The following WNK2 variants were observed in gnomAD, a reference collection of about 807,000 sequenced individuals.
WNK2 encodes the protein WNK lysine deficient protein kinase 2.
Under a neutral mutation model 192.1 loss-of-function variants are expected in WNK2, and 67 were observed. The observed-to-expected ratio is 0.35, with a 90% CI of 0.29 to 0.43. The LOEUF (loss-of-function observed/expected upper bound fraction) is 0.43. Ranked by LOEUF, WNK2 falls within the 20% of genes least tolerant of loss-of-function variation. WNK2 has a pLI of 1.00. For missense variants in WNK2, 2,698 were observed against 3,089.7 expected (o/e 0.87, Z 3.01); for synonymous variants, 1,439 against 1,393.9 (o/e 1.03, Z -0.72).
chr9:93,287,670 G>A (rs752235206), intron 19 of WNK2, among the ~76,000 whole-genome samples: 3 of 152,162 alleles, frequency 2.0e-5, no homozygotes, highest in Admixed American at 6.5e-5. Flanking sequence ...CTGGGGGCAC[G>A]AGGGAGGGCA....
At position 93,252,877 on chromosome 9, in the gene WNK2, C is replaced by G. The variant is rs1404978205; in HGVS notation, c.1835-6C>G. 9 of 1,450,580 alleles carry G rather than the reference C, an allele frequency of 6.2e-6. No individual in the cohort carries two copies. The highest frequency in any genetic ancestry group is 7.3e-6 in the Non-Finnish European group (8 of 1,092,718). The allele number at this position is 1,450,580 out of a possible 1,614,324, so 89.9% of individuals were successfully genotyped here. On this transcript the variant is annotated splice_region_variant and splice_polypyrimidine_tract_variant and intron_variant, in intron 8 of 29. Coordinates refer to ENST00000427277, the MANE Select transcript of WNK2 (RefSeq NM_006648.4). ...CCACTCTAAGTCCTGCTTTTGTCCT[C>G]CCCAGCGGACAGCACCTTCGACAGC...
chr9:93,190,545 A>G (rs1415190456), intron 2 of WNK2, among the ~76,000 whole-genome samples: 3 of 152,322 alleles, frequency 2.0e-5, no homozygotes, highest in Non-Finnish European at 4.4e-5. Flanking sequence ...TTGCCATTGC[A>G]AATGATTTGA....
chr9:93,259,627 T>C lies in WNK2; in HGVS notation c.3066+13T>C. On this transcript the variant is annotated intron_variant, in intron 12 of 29. Transcript: ENST00000427277. The surrounding 1 kb of genome is among the most constrained non-coding windows in gnomAD (Gnocchi z 4.8). ...ACCAGGGAGCCAGGTAATCACCTGC[T>C]GGGCAGGGGCTCACCCTCCCAGCGT... 1 of 1,553,690 alleles carries C rather than the reference T, an allele frequency of 6.4e-7. No individual in the cohort carries two copies. The highest frequency in any genetic ancestry group is 8.6e-7 in the Non-Finnish European group (1 of 1,159,574).
At chr9:93,260,554 C>T (rs1844059533) in intron 12 of WNK2, among the ~76,000 whole-genome samples, 2 of 150,980 alleles carry the variant, frequency 1.3e-5, no homozygotes, top group African/African-American at 5.0e-5. Flanking sequence ...GTGGAGCATC[C>T]CTGGTGCCAG....
intron 13 of WNK2, 33 bp downstream of exon 13, chr9:93,262,140 C>A (rs1184275413): frequency 1.3e-6 from 2 of 1,547,866 alleles, no homozygotes; most frequent in Non-Finnish European, 1.8e-6. Flanking sequence ...TGTCCCATGA[C>A]TGGGCAGTTG....
chr9:93,259,181 C>A lies in WNK2; in HGVS notation c.2633C>A (p.Pro878Gln). The A allele has an allele frequency of 1.2e-6, 2 of 1,612,742 alleles. No individual in the cohort carries two copies. The highest frequency in any genetic ancestry group is 1.7e-6 in the Non-Finnish European group (2 of 1,179,740). The part of the protein sequence containing the change: ...PLAMPCRTIV[P>Q]NAPATIPLLA... Reference sequence around the variant, plus strand: ...GCCATGCCCTGCCGGACCATTGTGCCAAATGCACCGGCCACTATCCCCCTG... The same window carrying A: ...GCCATGCCCTGCCGGACCATTGTGCAAAATGCACCGGCCACTATCCCCCTG... Residue 878 changes from proline to glutamine, a missense_variant, in exon 12 of 30, where the codon CCA (proline) becomes CAA (glutamine). Pro to Gln is a moderately conservative substitution (Grantham distance 76). Around this residue, in one of 7 missense-constraint regions of WNK2, gnomAD observed 893 missense variants for 909.0 expected, o/e 0.98. Coordinates refer to ENST00000427277, the MANE Select transcript of WNK2 (RefSeq NM_006648.4). The surrounding 1 kb of genome is among the most constrained non-coding windows in gnomAD (Gnocchi z 4.8).
At chr9:93,214,450 C>G (rs903737662) in intron 2 of WNK2, among the ~76,000 whole-genome samples, 1 of 152,032 alleles carries the variant, frequency 6.6e-6, no homozygotes, top group Non-Finnish European at 1.5e-5. Flanking sequence ...ATTACAGGTG[C>G]ATGCCACCAT....
chr9:93,189,350 C>T (rs1258693239), intron 2 of WNK2, among the ~76,000 whole-genome samples: 1 of 152,166 alleles, frequency 6.6e-6, no homozygotes, highest in Admixed American at 6.5e-5. Flanking sequence ...TTCATAGAGA[C>T]GTACATTCCT....
chr9:93,230,457 C>G (rs1838577834), intron 3 of WNK2, among the ~76,000 whole-genome samples: 1 of 152,220 alleles, frequency 6.6e-6, no homozygotes, highest in Non-Finnish European at 1.5e-5. Flanking sequence ...GCAGGCCACA[C>G]AGGTGGCCAG....
Position 93,292,577 on chromosome 9 carries a change from G to C in WNK2, c.5112G>C (p.Pro1704=), listed in dbSNP as rs1382275162. The change falls in exon 23 of 30, where the codon CCG becomes CCC. Residue 1704 remains proline (P), a synonymous_variant. Transcript: ENST00000427277. ...CTGGAGAAAGCTCGGCAGAGCCCCCGCCGAGTGACATGGGCACAGTGGGGG... is the reference window on the plus strand; with the variant it reads ...CTGGAGAAAGCTCGGCAGAGCCCCCCCCGAGTGACATGGGCACAGTGGGGG... The part of the protein sequence containing the change: ...GEAGESSAEP[P]PSDMGTVGGQ... 2 of 1,571,452 alleles carry C rather than the reference G, an allele frequency of 1.3e-6. No homozygotes were observed. Among genetic ancestry groups the C allele is most frequent in the Non-Finnish European group, 1.7e-6 (2 of 1,156,672 alleles).
In WNK2 at chr9:93,231,002, C is replaced by T. The variant is rs1037143363; in HGVS notation, c.969C>T (p.Asp323=). The T allele has an allele frequency of 1.9e-6, 3 of 1,613,886 alleles. No homozygotes were observed. The African/African-American group carries it at 4.0e-5, about 22-fold the overall frequency. The change falls in exon 4 of 30, where the codon GAC becomes GAT. Residue 323 remains aspartate, a synonymous_variant. Transcript: ENST00000427277. ...HTRTPPIIHR[D]LKCDNIFITG... is the part of the protein sequence containing the mutation. ...GGACGCCACCCATCATCCACCGAGA[C>T]CTGAAATGTGACAATATTTTCATCA... is the stretch of plus-strand genomic sequence containing the variant.
chr9:93,268,988 T>C (rs780583424), intron 19 of WNK2: 24 of 1,523,624 alleles, frequency 1.6e-5, no homozygotes, highest in Non-Finnish European at 2.1e-5. Flanking sequence ...AGTAGGTGGC[T>C]CGCATGGCCA....
At chr9:93,202,421 C>T (rs1219465001) in intron 2 of WNK2, among the ~76,000 whole-genome samples, 1 of 151,842 alleles carries the variant, frequency 6.6e-6, no homozygotes, top group Non-Finnish European at 1.5e-5. Flanking sequence ...CCGGCGCTTC[C>T]GTGGGAATGA....
chr9:93,237,166 A>G (rs1210867044), intron 5 of WNK2, among the ~76,000 whole-genome samples: 1 of 152,136 alleles, frequency 6.6e-6, no homozygotes, highest in Non-Finnish European at 1.5e-5. Flanking sequence ...GAATTCTTCA[A>G]TTTATTCCCA....
rs147389779 is a variant in WNK2, at chr9:93,287,065, G to C, written c.4034-1723G>C. Among the ~76,000 whole-genome samples the C allele has an allele frequency of 1.2e-3, 178 of 152,344 alleles. 1 individual carries two copies. Among genetic ancestry groups the C allele is most frequent in the African/African-American group, 4.1e-3 (170 of 41,582 alleles). ...ATAAAGTTTCAGTTATATAAGCTGAGTAAGCTCTAGAGCTTTGCCACACAA... is the reference window on the plus strand; with the variant it reads ...ATAAAGTTTCAGTTATATAAGCTGACTAAGCTCTAGAGCTTTGCCACACAA... On this transcript the variant is annotated intron_variant, in intron 19 of 29. Transcript: ENST00000427277.
chr9:93,304,259 A>G lies in WNK2; in HGVS notation c.6215-2518A>G, dbSNP rs553184088. ...CCCAAGAGCAGGCTGTTTTTGTGCC[A>G]TGGCTGGAGTGGGGAGGGAGCCTCC... is the stretch of plus-strand genomic sequence containing the variant. On this transcript the variant is annotated intron_variant, in intron 26 of 29. Coordinates refer to ENST00000427277, the MANE Select transcript of WNK2 (RefSeq NM_006648.4). Among the ~76,000 whole-genome samples, 145 of 152,306 alleles carry G rather than the reference A, an allele frequency of 9.5e-4. 1 individual carries two copies. Among genetic ancestry groups the G allele is most frequent in the Middle Eastern group, 6.8e-3 (2 of 294 alleles).
chr9:93,222,836 C>T lies in WNK2; in HGVS notation c.682-6860C>T, dbSNP rs190965252. On this transcript the variant is annotated intron_variant, in intron 2 of 29. Transcript: ENST00000427277. ...TAGCTGGGATTACAGGCGCCTGCCACCACACCTGGCTAATTTTGTATTTTT... is the reference window on the plus strand; with the variant it reads ...TAGCTGGGATTACAGGCGCCTGCCATCACACCTGGCTAATTTTGTATTTTT... Among the ~76,000 whole-genome samples, 140 of 152,254 alleles carry T rather than the reference C, an allele frequency of 9.2e-4. 1 individual carries two copies. The highest frequency in any genetic ancestry group is 3.4e-3 in the Middle Eastern group (1 of 294).
intron 27 of WNK2, chr9:93,307,558 GC>G (rs1273923109): frequency 6.6e-6 from 1 of 152,286 alleles, no homozygotes; most frequent in Non-Finnish European, 1.5e-5. Flanking sequence ...TTTGAATGAA[GC>G]AGCCGAGTGC....
chr9:93,259,595 C>A lies in WNK2; in HGVS notation c.3047C>A (p.Ala1016Asp). Reference protein sequence around the residue: ...QPHLPEQAAPAATPGSQILLG... With the variant: ...QPHLPEQAAPDATPGSQILLG... ...CACCTTCCTGAACAAGCTGCTCCAGCTGCTACACCAGGGAGCCAGGTAATC... is the reference window on the plus strand; with the variant it reads ...CACCTTCCTGAACAAGCTGCTCCAGATGCTACACCAGGGAGCCAGGTAATC... The change falls in exon 12 of 30, where the codon GCT becomes GAT. Residue 1016 changes from alanine to aspartate, a missense_variant. Physicochemically the swap from Ala to Asp is moderately radical, Grantham distance 126 (BLOSUM62 -2). This residue lies in a region of WNK2 where 893 missense variants were observed against 909.0 expected (regional missense o/e 0.98). Coordinates refer to ENST00000427277, the MANE Select transcript of WNK2 (RefSeq NM_006648.4). The surrounding 1 kb of genome is among the most constrained non-coding windows in gnomAD (Gnocchi z 4.8). The A allele has an allele frequency of 6.3e-7, 1 of 1,590,980 alleles. No homozygotes were observed. Among genetic ancestry groups the A allele is most frequent in the East Asian group, 2.2e-5 (1 of 44,780 alleles).
Sources: gnomAD v4.1 joint callset for allele counts (sites outside exome capture counted in the v4.1 genomes callset) on GRCh38, gnomAD v4.1.1 for gene constraint, gnomAD v4.1.1 regional missense constraint, Gnocchi (gnomAD v3.1) non-coding constraint, MANE v1.5 for transcripts, NCBI Gene and HGNC (gene_info 2026-07-23, HGNC 2026-07-21) for gene names.